The following ARHGAP15 variants were observed in gnomAD, a reference collection of about 807,000 sequenced individuals.
The protein encoded by ARHGAP15 is rho GTPase-activating protein 15.
ARHGAP15 carries 51 observed loss-of-function variants against 63.7 expected under a neutral mutation model. The ratio of observed to expected loss-of-function variants is 0.80; its 90% CI spans 0.64 to 1.01. The LOEUF (loss-of-function observed/expected upper bound fraction) is 1.01. ARHGAP15 is among the 50% of genes least tolerant of loss of function. The probability of loss-of-function intolerance (pLI) is 0.00; values close to 1 mark genes in which losing one functional copy is unlikely to be tolerated. For synonymous variants in ARHGAP15, 191 were observed against 193.8 expected, an observed-to-expected ratio of 0.99 and a Z score of 0.12; for missense variants, 560 against 564.6, an observed-to-expected ratio of 0.99 and a Z score of 0.08.
At chr2:143,673,185 A>G (rs1005631795) in intron 12 of ARHGAP15, among the ~76,000 whole-genome samples, 1 of 152,246 alleles carries the variant, frequency 6.6e-6, no homozygotes, top group African/African-American at 2.4e-5. Context: ...ACAGCGTTTG[A>G]GATTACTTAA....
chr2:143,159,292 T>C (rs1333140411), intron 2 of ARHGAP15, among the ~76,000 whole-genome samples: 2 of 151,918 alleles, frequency 1.3e-5, no homozygotes, highest in Non-Finnish European at 2.9e-5. Flanking sequence ...GTTTCTTACT[T>C]CTGTGATTAT....
chr2:143,441,807 T>G (rs550145036), intron 8 of ARHGAP15, among the ~76,000 whole-genome samples: 99 of 152,298 alleles, frequency 6.5e-4, no homozygotes, highest in Non-Finnish European at 1.2e-3. Flanking sequence ...TTCCTTTAGC[T>G]GTCTCTTGAT....
chr2:143,528,583 A>G (rs902250366), intron 10 of ARHGAP15, among the ~76,000 whole-genome samples: 10 of 151,690 alleles, frequency 6.6e-5, no homozygotes, highest in South Asian at 2.1e-4. Flanking sequence ...TTCCTAGCAG[A>G]AAAAAAAAGT....
rs577888187 is a variant in ARHGAP15 at position 143,461,474 on chromosome 2, T to G, written c.703+24432T>G. Reference sequence around the variant, plus strand: ...TGCTAACTTTAGGGAGCACAGATATTAACATTTCTTCATTTGGGCTAAATG... The same window carrying G: ...TGCTAACTTTAGGGAGCACAGATATGAACATTTCTTCATTTGGGCTAAATG... On this transcript the variant is annotated intron_variant, in intron 8 of 13. Coordinates refer to ENST00000295095, the MANE Select transcript of ARHGAP15 (RefSeq NM_018460.4). Among the ~76,000 whole-genome samples the G allele has an allele frequency of 2.0e-5, 3 of 152,236 alleles. No homozygotes were observed. The South Asian group carries it at 6.2e-4, about 32-fold the overall frequency.
intron 1 of ARHGAP15, among the ~76,000 whole-genome samples, chr2:143,147,275 G>A (rs1021599891): frequency 6.6e-6 from 1 of 152,026 alleles, no homozygotes; most frequent in Non-Finnish European, 1.5e-5. Context: ...TTGTTCTAGA[G>A]CTGATGTTTT....
At chr2:143,682,866 T>C (rs959149744) in intron 12 of ARHGAP15, 1 of 152,230 alleles carries the variant, frequency 6.6e-6, no homozygotes, top group Non-Finnish European at 1.5e-5. Context: ...TTCTCTGTTA[T>C]TCTTACGAAT....
chr2:143,449,050 T>G (rs1047896307), intron 8 of ARHGAP15, among the ~76,000 whole-genome samples: 10 of 152,078 alleles, frequency 6.6e-5, no homozygotes, highest in Non-Finnish European at 1.2e-4. Context: ...TTTTGAATGG[T>G]GGCTATTTAA....
chr2:143,188,883 CA>C (rs889019494), intron 2 of ARHGAP15, among the ~76,000 whole-genome samples: 51 of 151,938 alleles, frequency 3.4e-4, no homozygotes, highest in African/African-American at 1.1e-3. Context: ...CTCGGCCTCC[CA>C]AAGTGCTGGG....
At chr2:143,669,634 C>T (rs1682416095) in intron 12 of ARHGAP15, among the ~76,000 whole-genome samples, 1 of 152,172 alleles carries the variant, frequency 6.6e-6, no homozygotes, top group Non-Finnish European at 1.5e-5. Flanking sequence ...CTGGAAGGGG[C>T]AAGGCAGCTC....
intron 11 of ARHGAP15, among the ~76,000 whole-genome samples, chr2:143,561,952 G>A (rs935363138): frequency 6.6e-5 from 10 of 152,176 alleles, no homozygotes; most frequent in South Asian, 2.1e-4. Flanking sequence ...GCACACACAC[G>A]CATGTGCATT....
intron 13 of ARHGAP15, among the ~76,000 whole-genome samples, chr2:143,726,705 C>T (rs1261279980): frequency 1.3e-5 from 2 of 152,182 alleles, no homozygotes; most frequent in East Asian, 1.9e-4. Context: ...GTTCAAGTGA[C>T]GAAAAATATT....
At chr2:143,613,025 T>C (rs558098650) in intron 11 of ARHGAP15, among the ~76,000 whole-genome samples, 1 of 152,318 alleles carries the variant, frequency 6.6e-6, no homozygotes, top group African/African-American at 2.4e-5. Flanking sequence ...GAGATGTCAG[T>C]TTCCTTGAAA....
chr2:143,714,920 T>G (rs1438694093), intron 13 of ARHGAP15, among the ~76,000 whole-genome samples: 4 of 152,186 alleles, frequency 2.6e-5, no homozygotes, highest in Non-Finnish European at 4.4e-5. Flanking sequence ...TTTCCTGTCT[T>G]CTTCTGAGCC....
intron 13 of ARHGAP15, among the ~76,000 whole-genome samples, chr2:143,723,993 G>A (rs533481586): frequency 2.0e-4 from 30 of 152,102 alleles, no homozygotes; most frequent in South Asian, 8.3e-4. Flanking sequence ...GTCACTTCAC[G>A]TCTCAGCCAC....
chr2:143,662,193 T>C (rs1392339090), intron 12 of ARHGAP15, among the ~76,000 whole-genome samples: 6 of 152,094 alleles, frequency 3.9e-5, no homozygotes, highest in Non-Finnish European at 2.9e-5. Context: ...AGAGCAGTGG[T>C]TCTCCCAGCA....
At chr2:143,503,058 G>A (rs1053239541) in intron 9 of ARHGAP15, among the ~76,000 whole-genome samples, 13 of 152,218 alleles carry the variant, frequency 8.5e-5, no homozygotes, top group Non-Finnish European at 1.9e-4. Flanking sequence ...AGTGGTCTAG[G>A]AAGACTCTGC....
intron 6 of ARHGAP15, among the ~76,000 whole-genome samples, chr2:143,376,311 G>T (rs6430026): frequency 0.62 from 94,917 of 152,052 alleles, 30,226 homozygotes; most frequent in African/African-American, 0.74. Flanking sequence ...TAATTTGTAT[G>T]ATATTAACTT....
At chr2:143,154,250 A>G (rs1689991914) in intron 1 of ARHGAP15, among the ~76,000 whole-genome samples, 1 of 151,860 alleles carries the variant, frequency 6.6e-6, no homozygotes, top group African/African-American at 2.4e-5. Context: ...GATACTAAGT[A>G]TTAGCTTCTT....
chr2:143,296,006 G>A (rs1327944094), intron 6 of ARHGAP15, among the ~76,000 whole-genome samples: 3 of 151,940 alleles, frequency 2.0e-5, no homozygotes. Flanking sequence ...GCTTGTTACA[G>A]AGAACCTAAC....
Sources: gnomAD v4.1 joint callset for allele counts (sites outside exome capture counted in the v4.1 genomes callset) on GRCh38, gnomAD v4.1.1 for gene constraint, MANE v1.5 for transcripts, NCBI Gene and HGNC (gene_info 2026-07-23, HGNC 2026-07-21) for gene names.